Variants in LRRC7 observed in about 807,000 individuals in gnomAD.
LRRC7 encodes the protein leucine rich repeat containing 7.
A neutral mutation model predicts 175.7 loss-of-function variants in LRRC7; 23 were observed. That is an observed-to-expected ratio of 0.13 (90% confidence interval 0.09 to 0.19). The LOEUF is 0.19. Among genes scored for constraint, LRRC7 ranks in the 10% least tolerant of loss-of-function variants. The pLI, the probability that LRRC7 is intolerant of heterozygous loss-of-function variation, is 1.00. For missense variants in LRRC7, 1,354 were observed against 1,904.7 expected (o/e 0.71, Z 5.38); for synonymous variants, 685 against 680.9 (o/e 1.01, Z -0.09).
intron 9 of LRRC7, 139 bp from the exon 10 acceptor site, chr1:69,986,103 A>G (rs1231683061): frequency 2.0e-5 from 15 of 748,936 alleles, no homozygotes; most frequent in East Asian, 2.7e-5. Flanking sequence ...GAAGTTTACA[A>G]TTCCTCCACA....
intron 7 of LRRC7, among the ~76,000 whole-genome samples, chr1:69,841,985 C>T (rs1274413952): frequency 6.6e-6 from 1 of 152,056 alleles, no homozygotes; most frequent in African/African-American, 2.4e-5. Flanking sequence ...TTTTATAAAC[C>T]TACACACATT....
chr1:69,994,179 G>A (rs547214100), intron 10 of LRRC7, among the ~76,000 whole-genome samples: 14 of 152,234 alleles, frequency 9.2e-5, no homozygotes, highest in Middle Eastern at 6.8e-3. Context: ...TCACAACAGC[G>A]ATGTTAGTTA....
At chr1:70,118,518 AT>A (rs1474129423) in intron 26 of LRRC7, among the ~76,000 whole-genome samples, 4 of 152,180 alleles carry the variant, frequency 2.6e-5, no homozygotes, top group African/African-American at 9.6e-5. Flanking sequence ...TACAGCAACA[AT>A]TTTTTAAGGG....
In LRRC7 at chr1:70,132,105, A is replaced by G. The variant is rs1242655932; in HGVS notation, c.*10218A>G. Reference sequence around the variant, plus strand: ...AGAGGAACTGGATAAAAGAAATCAGATTCAGGCATATCCTCCAGTCTCTTC... The same window carrying G: ...AGAGGAACTGGATAAAAGAAATCAGGTTCAGGCATATCCTCCAGTCTCTTC... On this transcript the variant is annotated 3_prime_UTR_variant, in exon 27 of 27. Transcript: ENST00000651989. 6.6e-5 allele frequency: 10 copies of G among 152,220 alleles called. No individual in the cohort carries two copies. The highest frequency in any genetic ancestry group is 6.5e-4 in the Admixed American group (10 of 15,278). The allele number at this position is 152,220 out of a possible 1,614,324, so 9.4% of individuals were successfully genotyped here.
rs1367381128 is a variant in LRRC7, at chr1:70,127,823, T to G, written c.*5936T>G. On this transcript the variant is annotated 3_prime_UTR_variant, in exon 27 of 27. Transcript: ENST00000651989. ...TATGTAAACATTCCATGACTCTTATTAGTCTACGGTTGGAACCACTATGTA... is the reference window on the plus strand; with the variant it reads ...TATGTAAACATTCCATGACTCTTATGAGTCTACGGTTGGAACCACTATGTA... 1.3e-5 allele frequency among the ~76,000 whole-genome samples: 2 copies of G among 152,234 alleles called. No homozygotes were observed. The highest frequency in any genetic ancestry group is 4.8e-5 in the African/African-American group (2 of 41,464).
intron 7 of LRRC7, among the ~76,000 whole-genome samples, chr1:69,927,394 G>T (rs1339031719): frequency 6.6e-6 from 1 of 152,176 alleles, no homozygotes; most frequent in East Asian, 1.9e-4. Context: ...ATAATATCCT[G>T]CAGAGTGTTT....
intron 2 of LRRC7, among the ~76,000 whole-genome samples, chr1:69,679,907 T>C (rs2100608965): frequency 6.6e-6 from 1 of 152,274 alleles, no homozygotes; most frequent in East Asian, 1.9e-4. Context: ...ACACCTTTTT[T>C]GTAAGTACAA....
rs1455301908 is a variant in LRRC7 at position 70,016,582 on chromosome 1, GAA to G, written c.1320+50_1320+51del. ...TTATTTATTAAGATGAACTATAATT[GAA>G]AGTTTGAATTACTAATTTATTCCCA... On this transcript the variant is annotated intron_variant, in intron 14 of 26. Transcript: ENST00000651989. 8.6e-6 allele frequency: 12 copies of G among 1,401,342 alleles called. No homozygotes were observed. The East Asian group carries it at 3.0e-4, about 34-fold the overall frequency. The allele number at this position is 1,401,342 out of a possible 1,614,324, so 86.8% of individuals were successfully genotyped here.
intron 2 of LRRC7, among the ~76,000 whole-genome samples, chr1:69,731,023 C>T (rs183515856): frequency 3.3e-5 from 5 of 151,996 alleles, no homozygotes; most frequent in Non-Finnish European, 4.4e-5. Flanking sequence ...AGATCTCGGC[C>T]GGGTGCAGTG....
At chr1:69,684,048 G>A (rs1660817349) in intron 2 of LRRC7, among the ~76,000 whole-genome samples, 1 of 152,132 alleles carries the variant, frequency 6.6e-6, no homozygotes, top group South Asian at 2.1e-4. Context: ...AAGATTTAAT[G>A]TAATGTACTT....
chr1:70,052,719 T>G (rs889104986), intron 22 of LRRC7, among the ~76,000 whole-genome samples: 77 of 152,284 alleles, frequency 5.1e-4, no homozygotes, highest in African/African-American at 1.7e-3. Flanking sequence ...TTTTTAATAA[T>G]TGTAACAATT....
At chr1:70,071,982 C>T (rs754713363) in intron 23 of LRRC7, among the ~76,000 whole-genome samples, 2 of 152,122 alleles carry the variant, frequency 1.3e-5, no homozygotes, top group Admixed American at 6.6e-5. Context: ...ATGAATTTTG[C>T]GTGAACAGTG....
intron 1 of LRRC7, among the ~76,000 whole-genome samples, chr1:69,629,516 G>A (rs1014171796): frequency 2.0e-5 from 3 of 152,020 alleles, no homozygotes; most frequent in Admixed American, 6.6e-5. Flanking sequence ...CAACCTGCAC[G>A]TCTCCAAGCT....
chr1:69,615,211 AT>A (rs1375750345), intron 1 of LRRC7, among the ~76,000 whole-genome samples: 1 of 151,992 alleles, frequency 6.6e-6, no homozygotes, highest in Non-Finnish European at 1.5e-5. Context: ...CTGAAAATTA[AT>A]TTCCTTTTAA....
chr1:69,750,949 T>A (rs1266755189), intron 2 of LRRC7, among the ~76,000 whole-genome samples: 2 of 152,164 alleles, frequency 1.3e-5, no homozygotes, highest in Non-Finnish European at 2.9e-5. Flanking sequence ...GTTCTTAATA[T>A]GCTAATGCAT....
At chr1:69,988,068 C>T (rs569524756) in intron 10 of LRRC7, among the ~76,000 whole-genome samples, 8 of 152,188 alleles carry the variant, frequency 5.3e-5, no homozygotes, top group Non-Finnish European at 1.2e-4. Flanking sequence ...TTATAGAGAA[C>T]ATCCACTGGT....
chr1:69,787,968 C>A (rs558707944), intron 3 of LRRC7, among the ~76,000 whole-genome samples: 3 of 151,826 alleles, frequency 2.0e-5, no homozygotes, highest in African/African-American at 7.2e-5. Flanking sequence ...CTCCTGCCTG[C>A]CTTCCTTCCT....
rs575861967 is a variant in LRRC7 at position 70,125,520 on chromosome 1, C to T, written c.*3633C>T. On this transcript the variant is annotated 3_prime_UTR_variant, in exon 27 of 27. Transcript: ENST00000651989. ...TGAGCTAAAGAGAGAGGGCCGGGCG[C>T]GGTGGCTCACGCCTGTAATCCCAGC... 6.6e-6 allele frequency among the ~76,000 whole-genome samples: 1 copy of T among 152,126 alleles called. No individual in the cohort carries two copies. The highest frequency in any genetic ancestry group is 2.4e-5 in the African/African-American group (1 of 41,440).
At chr1:69,916,534 A>T (rs566732761) in intron 7 of LRRC7, among the ~76,000 whole-genome samples, 12 of 152,032 alleles carry the variant, frequency 7.9e-5, no homozygotes, top group South Asian at 6.2e-4. Flanking sequence ...TCCTCATTAT[A>T]GTATTCATTA....
Sources: gnomAD v4.1 joint callset for allele counts (sites outside exome capture counted in the v4.1 genomes callset) on GRCh38, gnomAD v4.1.1 for gene constraint, MANE v1.5 for transcripts, NCBI Gene and HGNC (gene_info 2026-07-23, HGNC 2026-07-21) for gene names.